IL20RA: variants seen among roughly 807,000 people sequenced by gnomAD.
The protein encoded by IL20RA is interleukin 20 receptor subunit alpha.
IL20RA carries 29 observed loss-of-function variants against 36.5 expected under a neutral mutation model. The observed-to-expected ratio is 0.79, with a 90% CI of 0.59 to 1.08. The LOEUF (loss-of-function observed/expected upper bound fraction) is 1.08, where lower values mean the gene tolerates loss of function less well. Ranked by LOEUF, IL20RA falls within the 50% of genes least tolerant of loss-of-function variation. The pLI, the probability that IL20RA is intolerant of heterozygous loss-of-function variation, is 0.00. For missense variants in IL20RA, 652 were observed against 668.4 expected, an observed-to-expected ratio of 0.98 and a Z score of 0.27; for synonymous variants, 279 against 267.1, an observed-to-expected ratio of 1.04 and a Z score of -0.43.
At position 137,009,394 on chromosome 6, in the gene IL20RA, G is replaced by A; in HGVS notation, c.502C>T (p.Leu168Phe). The stretch of plus-strand genomic sequence containing the variant: ...TATATTTGTTGCATGGAAACAGGAA[G>A]GTCTTCTGGATTTCTCTTCCACTTC... ...PEKWKRNPED[L>F]PVSMQQIYSN... The change falls in exon 4 of 7, where the codon CTT (leucine) becomes TTT (phenylalanine). Residue 168 changes from leucine (L) to phenylalanine (F), a missense_variant. Transcript: ENST00000316649. The A allele has an allele frequency of 6.2e-7, 1 of 1,612,540 alleles. No individual in the cohort carries two copies. The highest frequency in any genetic ancestry group is 8.5e-7 in the Non-Finnish European group (1 of 1,178,702).
intron 1 of IL20RA, among the ~76,000 whole-genome samples, chr6:137,034,185 T>A (rs1208790205): frequency 6.6e-6 from 1 of 152,188 alleles, no homozygotes; most frequent in African/African-American, 2.4e-5. Context: ...ACCCACTAGA[T>A]GACTACCACT....
At chr6:137,031,198 G>C (rs1019568880) in intron 1 of IL20RA, among the ~76,000 whole-genome samples, 2 of 152,106 alleles carry the variant, frequency 1.3e-5, no homozygotes, top group Non-Finnish European at 2.9e-5. Context: ...CATCCAATTC[G>C]CTCACCTATG....
chr6:137,033,588 G>C (rs901249030), intron 1 of IL20RA, among the ~76,000 whole-genome samples: 1 of 152,146 alleles, frequency 6.6e-6, no homozygotes, highest in Admixed American at 6.5e-5. Flanking sequence ...GCTCTCTCTT[G>C]TTTCTGCCCA....
chr6:137,033,845 C>T (rs189213104), intron 1 of IL20RA, among the ~76,000 whole-genome samples: 1 of 152,284 alleles, frequency 6.6e-6, no homozygotes, highest in Non-Finnish European at 1.5e-5. Context: ...CAAATAAGGT[C>T]ATATTCTGAG....
Position 137,044,666 on chromosome 6 carries a change from GAGCAAC to G in IL20RA, c.57_62del (p.Leu21_Leu22del). ...CTGCCCGTCCCCAAGGCGCCGCCAG[GAGCAAC>G]AGCAGCAGCGGCGGCAGCGGCAGCG... On this transcript the variant is annotated inframe_deletion, in exon 1 of 7. Coordinates refer to ENST00000316649, the MANE Select transcript of IL20RA (RefSeq NM_014432.4). 8.2e-7 allele frequency: 1 copy of G among 1,224,630 alleles called. No homozygotes were observed. The highest frequency in any genetic ancestry group is 1.0e-6 in the Non-Finnish European group (1 of 983,228). The allele number at this position is 1,224,630 out of a possible 1,614,324, so 75.9% of individuals were successfully genotyped here.
At chr6:137,012,336 G>T (rs1040119311) in intron 2 of IL20RA, among the ~76,000 whole-genome samples, 2 of 152,184 alleles carry the variant, frequency 1.3e-5, no homozygotes, top group African/African-American at 4.8e-5. Context: ...ACAGATTAGG[G>T]AAATGAAGGT....
chr6:137,004,595 A>G, intron 6 of IL20RA, 26 bp downstream of exon 6: 1 of 1,609,586 alleles, frequency 6.2e-7, no homozygotes, highest in Middle Eastern at 1.7e-4. Flanking sequence ...ATTATAATAA[A>G]GAACCCTGCC....
chr6:137,032,691 G>A (rs1172393704), intron 1 of IL20RA, among the ~76,000 whole-genome samples: 1 of 152,220 alleles, frequency 6.6e-6, no homozygotes, highest in Non-Finnish European at 1.5e-5. Flanking sequence ...TTGACGGCAT[G>A]ATCTCAACTG....
intron 2 of IL20RA, among the ~76,000 whole-genome samples, chr6:137,014,065 T>A (rs1232846281): frequency 1.3e-5 from 2 of 152,210 alleles, no homozygotes; most frequent in Non-Finnish European, 2.9e-5. Context: ...GGCAAGGACA[T>A]GCTCACGAGC....
At chr6:137,044,562 G>C (rs1035038263) in intron 1 of IL20RA, 79 bp downstream of exon 1, 1 of 1,198,412 alleles carries the variant, frequency 8.3e-7, no homozygotes, top group Non-Finnish European at 1.0e-6. Flanking sequence ...GGAGGGGAGA[G>C]CTCGGCCTCG....
At chr6:137,005,314 G>A (rs1327684287) in intron 5 of IL20RA, among the ~76,000 whole-genome samples, 1 of 152,224 alleles carries the variant, frequency 6.6e-6, no homozygotes, top group African/African-American at 2.4e-5. Flanking sequence ...GCTGGAGCCT[G>A]GGGATGTGTG....
intron 1 of IL20RA, among the ~76,000 whole-genome samples, chr6:137,022,331 G>A (rs1775933201): frequency 6.6e-6 from 1 of 152,162 alleles, no homozygotes; most frequent in African/African-American, 2.4e-5. Context: ...TGGTGACCAC[G>A]AAGGTAGGGA....
chr6:137,028,947 T>A (rs1471885524), intron 1 of IL20RA, among the ~76,000 whole-genome samples: 3 of 152,228 alleles, frequency 2.0e-5, no homozygotes. Context: ...TTGTGGAAAG[T>A]GGCTTTGAAT....
intron 1 of IL20RA, chr6:137,042,736 G>A (rs1253048785): frequency 1.3e-5 from 2 of 152,178 alleles, no homozygotes; most frequent in African/African-American, 4.8e-5. Flanking sequence ...GCTGTGAGAC[G>A]AAAATTTTTA....
intron 1 of IL20RA, among the ~76,000 whole-genome samples, chr6:137,018,507 C>CGTGCGTGT (rs1554213668): frequency 1.1e-5 from 1 of 89,134 alleles, no homozygotes; most frequent in Admixed American, 1.4e-4. Flanking sequence ...TGACCACTGC[C>CGTGCGTGT]GTGTGCGTGT....
Position 137,044,919 on chromosome 6 carries a change from C to G in IL20RA, c.-191G>C. ...GGCTTCCCCAGAAACCAAGGGCGAG[C>G]GACTCGCGGAGCCCCCACGCGCGCT... is the stretch of plus-strand genomic sequence containing the variant. On this transcript the variant is annotated 5_prime_UTR_variant, in exon 1 of 7. Coordinates refer to ENST00000316649, the MANE Select transcript of IL20RA (RefSeq NM_014432.4). 1 of 434,716 alleles carries G rather than the reference C, an allele frequency of 2.3e-6. No homozygotes were observed. Among genetic ancestry groups the G allele is most frequent in the African/African-American group, 2.1e-5 (1 of 48,292 alleles). 26.9% of individuals were successfully genotyped at this position (434,716 alleles called of 1,614,324 possible). A position where few individuals can be genotyped will look rare whatever the true frequency, so the allele number is the denominator to read the frequency against.
chr6:137,021,511 A>AAC (rs1775903047), intron 1 of IL20RA, among the ~76,000 whole-genome samples: 1 of 85,002 alleles, frequency 1.2e-5, no homozygotes, highest in African/African-American at 2.7e-5. Context: ...GCAAAAAAAA[A>AAC]AAAACACAAG....
intron 1 of IL20RA, among the ~76,000 whole-genome samples, chr6:137,039,089 A>G (rs1776585986): frequency 6.6e-6 from 1 of 152,346 alleles, no homozygotes; most frequent in East Asian, 1.9e-4. Context: ...TAAGAGTCAG[A>G]GCTAAACGAA....
chr6:137,030,317 C>G (rs971194475), intron 1 of IL20RA, among the ~76,000 whole-genome samples: 4 of 151,906 alleles, frequency 2.6e-5, no homozygotes, highest in Non-Finnish European at 4.4e-5. Flanking sequence ...AACTTTTGGG[C>G]TCAAGTGATC....
Sources: allele counts gnomAD v4.1 joint callset (sites outside exome capture counted in the v4.1 genomes callset), GRCh38; gene constraint gnomAD v4.1.1; transcripts MANE v1.5; gene names NCBI Gene and HGNC (gene_info 2026-07-23, HGNC 2026-07-21).